ZNF821: variants seen among roughly 807,000 people sequenced by gnomAD.
ZNF821 encodes zinc finger protein 821.
Under a neutral mutation model 44.3 loss-of-function variants are expected in ZNF821, and 16 were observed. The ratio of observed to expected loss-of-function variants is 0.36; its 90% CI spans 0.24 to 0.55. The LOEUF (loss-of-function observed/expected upper bound fraction) is 0.55, where lower values mean the gene tolerates loss of function less well. Ranked by LOEUF, ZNF821 falls within the 20% of genes least tolerant of loss-of-function variation. ZNF821 has a pLI of 0.86. For synonymous variants in ZNF821, 204 were observed against 197.6 expected, an observed-to-expected ratio of 1.03 and a Z score of -0.27; for missense variants, 436 against 547.6, an observed-to-expected ratio of 0.80 and a Z score of 2.03.
intron 1 of ZNF821, among the ~76,000 whole-genome samples, chr16:71,892,204 A>AAAAAAAG (rs2036890312): frequency 6.8e-6 from 1 of 147,204 alleles, no homozygotes; most frequent in Non-Finnish European, 1.5e-5. Flanking sequence ...AAAAAAAAAA[A>AAAAAAAG]AAAAAAGAAT....
chr16:71,894,887 A>G (rs1278755392), intron 1 of ZNF821: 1 of 1,444,566 alleles, frequency 6.9e-7, no homozygotes, highest in African/African-American at 1.4e-5. Context: ...TTCTCTGAAT[A>G]CCGAGATAAA....
At chr16:71,864,083 T>C (rs1033216657) in intron 6 of ZNF821, 55 bp downstream of exon 6, 1 of 1,501,086 alleles carries the variant, frequency 6.7e-7, no homozygotes, top group African/African-American at 1.4e-5. Flanking sequence ...GGATCTGGGC[T>C]ACAGACAAGC....
At chr16:71,862,509 G>A (rs1369112177) in intron 6 of ZNF821, among the ~76,000 whole-genome samples, 2 of 152,036 alleles carry the variant, frequency 1.3e-5, no homozygotes, top group Non-Finnish European at 2.9e-5. Flanking sequence ...AACAACAGTG[G>A]GGCGCCAGAG....
intron 7 of ZNF821, 30 bp downstream of exon 7, chr16:71,861,746 C>T: frequency 6.2e-7 from 1 of 1,611,046 alleles, no homozygotes; most frequent in Non-Finnish European, 8.5e-7. Flanking sequence ...AATTTGCTCC[C>T]AGCACAACAG....
chr16:71,872,136 A>C (rs1343270536), intron 3 of ZNF821, among the ~76,000 whole-genome samples: 1 of 151,572 alleles, frequency 6.6e-6, no homozygotes, highest in Non-Finnish European at 1.5e-5. Context: ...CGGCCTGGTT[A>C]AGGTTTTTCA....
chr16:71,874,880 T>C (rs189686004), intron 3 of ZNF821, among the ~76,000 whole-genome samples: 8 of 152,374 alleles, frequency 5.3e-5, no homozygotes, highest in Admixed American at 5.2e-4. Context: ...TACTTGCCAC[T>C]ATTGCCATAC....
In ZNF821 at chr16:71,879,822, G is replaced by A. The variant is rs562112482; in HGVS notation, c.40+85C>T. ...AAACTTTTCTTCTTCACAAATTAGC[G>A]TGAGCTTCTCCCCTAAATTCAGGTT... On this transcript the variant is annotated intron_variant, in intron 3 of 7. Transcript: ENST00000425432. 2.9e-5 allele frequency: 37 copies of A among 1,266,284 alleles called. No homozygotes were observed. The South Asian group carries it at 4.2e-4, about 14-fold the overall frequency. The allele number at this position is 1,266,284 out of a possible 1,614,324, so 78.4% of individuals were successfully genotyped here.
At chr16:71,868,154 G>T in intron 3 of ZNF821, 117 bp from the exon 4 acceptor site, 1 of 1,206,520 alleles carries the variant, frequency 8.3e-7, no homozygotes, top group Non-Finnish European at 1.1e-6. Flanking sequence ...CTGTGGTGGA[G>T]TCATTCATCT....
In ZNF821 at chr16:71,860,054, C is replaced by T. The variant is rs765500204; in HGVS notation, c.1203G>A (p.Met401Ile). The T allele has an allele frequency of 1.2e-6, 2 of 1,613,092 alleles. No homozygotes were observed. The highest frequency in any genetic ancestry group is 4.5e-5 in the East Asian group (2 of 44,874). Residue 401 changes from methionine to isoleucine, a missense_variant, in exon 8 of 8, where the codon ATG becomes ATA. Met to Ile is a conservative substitution (Grantham distance 10). Coordinates refer to ENST00000425432, the MANE Select transcript of ZNF821 (RefSeq NM_001201552.2). The surrounding 1 kb of genome is among the most constrained non-coding windows in gnomAD (Gnocchi z 7.3). Reference protein sequence around the residue: ...VELDSQLLGKMAFEEQNSSSL... With the variant: ...VELDSQLLGKIAFEEQNSSSL... ...AGCTGCTGTTCTGCTCTTCAAAGGCCATCTTGCCCAGAAGCTGGCTGTCCA... is the reference window on the plus strand; with the variant it reads ...AGCTGCTGTTCTGCTCTTCAAAGGCTATCTTGCCCAGAAGCTGGCTGTCCA...
intron 2 of ZNF821, among the ~76,000 whole-genome samples, chr16:71,881,082 A>C (rs1054689211): frequency 6.6e-6 from 1 of 152,240 alleles, no homozygotes; most frequent in African/African-American, 2.4e-5. Flanking sequence ...AGACAGGAAT[A>C]TGGATCTGGT....
chr16:71,879,648 G>C (rs1209170794), intron 3 of ZNF821, among the ~76,000 whole-genome samples: 2 of 152,102 alleles, frequency 1.3e-5, no homozygotes, highest in African/African-American at 4.8e-5. Context: ...TGATATTAAA[G>C]ATATATCAAG....
At chr16:71,870,024 CTT>C (rs1403018338) in intron 3 of ZNF821, among the ~76,000 whole-genome samples, 7 of 152,128 alleles carry the variant, frequency 4.6e-5, no homozygotes, top group Non-Finnish European at 7.3e-5. Context: ...AAAACAAACT[CTT>C]ATCTCTGTGT....
intron 2 of ZNF821, chr16:71,881,167 AGT>A (rs2036384399): frequency 6.6e-6 from 1 of 152,202 alleles, no homozygotes; most frequent in Non-Finnish European, 1.5e-5. Context: ...ATAAAATCAT[AGT>A]TTATTGCCTT....
At chr16:71,882,688 A>G (rs2036556261) in intron 2 of ZNF821, among the ~76,000 whole-genome samples, 1 of 152,184 alleles carries the variant, frequency 6.6e-6, no homozygotes, top group Non-Finnish European at 1.5e-5. Context: ...CGAAACGAAA[A>G]TAATAACAAA....
chr16:71,868,314 G>T (rs1597148599), intron 3 of ZNF821, among the ~76,000 whole-genome samples: 1 of 152,190 alleles, frequency 6.6e-6, no homozygotes, highest in Admixed American at 6.5e-5. Context: ...CTTCACAAAT[G>T]TAACTGCAGA....
intron 3 of ZNF821, among the ~76,000 whole-genome samples, chr16:71,868,418 G>A (rs1396066142): frequency 1.3e-5 from 2 of 152,162 alleles, no homozygotes; most frequent in African/African-American, 4.8e-5. Context: ...ACAAATCTGG[G>A]CCAAGTCTCT....
upstream of ZNF821, among the ~76,000 whole-genome samples, chr16:71,888,196 T>C (rs1246290838): frequency 1.3e-5 from 2 of 152,146 alleles, no homozygotes; most frequent in Admixed American, 6.6e-5. Context: ...TTTTTATTTA[T>C]TTGGTATCCC....
intron 3 of ZNF821, among the ~76,000 whole-genome samples, chr16:71,879,606 G>C (rs78840326): frequency 1.1e-4 from 17 of 152,258 alleles, no homozygotes; most frequent in African/African-American, 4.1e-4. Flanking sequence ...AGGATCTGCA[G>C]AGAGTAGGTA....
At position 71,864,143 on chromosome 16, in the gene ZNF821, A is replaced by G. The variant is rs1268517226; in HGVS notation, c.412T>C (p.Tyr138His). The G allele has an allele frequency of 2.5e-6, 4 of 1,614,016 alleles. No individual in the cohort carries two copies. In the Admixed American group the frequency reaches 5.0e-5, roughly 20 times the overall value. Residue 138 changes from tyrosine (Y) to histidine (H), a missense_variant, in exon 6 of 8, where the codon TAC (tyrosine) becomes CAC (histidine). Transcript: ENST00000425432. ...GSREQLIAHV[Y>H]QHTAAVVSAK... ...CACAGCTCCCCCATCCATACCTGGTACACGTGAGCAATCAACTGCTCCCGG... is the reference window on the plus strand; with the variant it reads ...CACAGCTCCCCCATCCATACCTGGTGCACGTGAGCAATCAACTGCTCCCGG...
Sources: allele counts gnomAD v4.1 joint callset (sites outside exome capture counted in the v4.1 genomes callset), GRCh38; gene constraint gnomAD v4.1.1; non-coding constraint Gnocchi (gnomAD v3.1); transcripts MANE v1.5; gene names NCBI Gene and HGNC (gene_info 2026-07-23, HGNC 2026-07-21).